SSBP4: variants seen among roughly 807,000 people sequenced by gnomAD.
The protein encoded by SSBP4 is single-stranded DNA-binding protein 4.
SSBP4 carries 33 observed loss-of-function variants against 64.6 expected under a neutral mutation model. That is an observed-to-expected ratio of 0.51 (90% CI 0.39 to 0.68). The LOEUF (loss-of-function observed/expected upper bound fraction) is 0.68, where lower values mean the gene tolerates loss of function less well. Ranked by LOEUF, SSBP4 falls within the 30% of genes least tolerant of loss-of-function variation. SSBP4 has a pLI of 0.00. For synonymous variants in SSBP4, 243 were observed against 224.0 expected (o/e 1.08, Z -0.76); for missense variants, 583 against 566.8 (o/e 1.03, Z -0.29).
chr19:18,410,559 G>C, the SSBP4 span, among the ~76,000 whole-genome samples: 1 of 152,072 alleles, frequency 6.6e-6, no homozygotes, highest in Admixed American at 6.6e-5. Flanking sequence ...GGCGTGACTG[G>C]GTGATGTTTT....
chr19:18,431,158 CACAGGGTGCTT>C (rs1973338545), intron 5 of SSBP4, among the ~76,000 whole-genome samples, 184 bp from the exon 6 acceptor site: 1 of 151,982 alleles, frequency 6.6e-6, no homozygotes, highest in South Asian at 2.1e-4. Context: ...CATGTGTGCG[CACAGGGTGCTT>C]GGGGATGCAG....
chr19:18,414,623 ATGTGTGG>A (rs1306288142), upstream of SSBP4, among the ~76,000 whole-genome samples: 2 of 152,188 alleles, frequency 1.3e-5, no homozygotes, highest in Non-Finnish European at 2.9e-5. Flanking sequence ...TGGGGCTTCG[ATGTGTGG>A]CCGGTGAAAG....
At position 18,433,830 on chromosome 19, in the gene SSBP4, G is replaced by A; in HGVS notation, c.1128+13G>A. ...CCCGAGCGAAAGCGTAAGCGACTGC[G>A]TCGACTCCCCCCCCGCGGCGGCGTC... On this transcript the variant is annotated intron_variant, in intron 17 of 17. Transcript: ENST00000270061. 1 of 1,407,890 alleles carries A rather than the reference G, an allele frequency of 7.1e-7. No homozygotes were observed. Among genetic ancestry groups the A allele is most frequent in the Non-Finnish European group, 9.2e-7 (1 of 1,084,670 alleles). The allele number at this position is 1,407,890 out of a possible 1,614,324, so 87.2% of individuals were successfully genotyped here.
At chr19:18,431,080 C>A (rs1472640348) in intron 5 of SSBP4, 150 bp downstream of exon 5, 2 of 969,310 alleles carry the variant, frequency 2.1e-6, no homozygotes, top group East Asian at 2.6e-5. Flanking sequence ...CCCAGGTGGG[C>A]CTTTCAGGGG....
At position 18,427,995 on chromosome 19, in the gene SSBP4, C is replaced by T; in HGVS notation, c.279+13C>T. 2 of 1,608,144 alleles carry T rather than the reference C, an allele frequency of 1.2e-6. No homozygotes were observed. The highest frequency in any genetic ancestry group is 1.7e-6 in the Non-Finnish European group (2 of 1,179,366). ...CTTCCAGGACTATGTGAGTCCTGGCCCCAGGGACTCAGGGGCTCCAGGGCG... is the reference window on the plus strand; with the variant it reads ...CTTCCAGGACTATGTGAGTCCTGGCTCCAGGGACTCAGGGGCTCCAGGGCG... On this transcript the variant is annotated intron_variant, in intron 4 of 17. Coordinates refer to ENST00000270061, the MANE Select transcript of SSBP4 (RefSeq NM_032627.5). The surrounding 1 kb of genome is among the most constrained non-coding windows in gnomAD (Gnocchi z 4.4).
At position 18,426,952 on chromosome 19, in the gene SSBP4, G is replaced by A. The variant is rs553832182; in HGVS notation, c.60-399G>A. ...CCCTTCCCTCCTTCCTTCCTGGGCC[G>A]GGGAGGCTGGGGATGAGTTTGGAGG... On this transcript the variant is annotated intron_variant, in intron 1 of 17. Coordinates refer to ENST00000270061, the MANE Select transcript of SSBP4 (RefSeq NM_032627.5). The surrounding 1 kb of genome is among the most constrained non-coding windows in gnomAD (Gnocchi z 4.5). Among the ~76,000 whole-genome samples, 645 of 152,210 alleles carry A rather than the reference G, an allele frequency of 4.2e-3. 4 individuals are homozygous for A. Among genetic ancestry groups the A allele is most frequent in the African/African-American group, 0.015 (608 of 41,528 alleles).
the SSBP4 span, among the ~76,000 whole-genome samples, chr19:18,413,747 T>G: frequency 6.6e-6 from 1 of 151,958 alleles, no homozygotes; most frequent in Non-Finnish European, 1.5e-5. Flanking sequence ...GGCACGGTGG[T>G]GGCTCACACC....
At chr19:18,428,984 G>A (rs2144752307) in intron 4 of SSBP4, among the ~76,000 whole-genome samples, 1 of 152,308 alleles carries the variant, frequency 6.6e-6, no homozygotes, top group South Asian at 2.1e-4. Flanking sequence ...CCCCCCGCCG[G>A]GCCAGGAGGG....
At chr19:18,414,923 C>T (rs937944997), upstream of SSBP4, among the ~76,000 whole-genome samples, 7 of 152,274 alleles carry the variant, frequency 4.6e-5, no homozygotes, top group East Asian at 1.9e-4. Flanking sequence ...TGTGAGTTTC[C>T]GCCTCCAGGC....
In SSBP4 at chr19:18,433,042, A is replaced by T; in HGVS notation, c.911A>T (p.Asn304Ile). Residue 304 changes from asparagine (N) to isoleucine (I), a missense_variant and splice_region_variant, in exon 14 of 18, where the codon AAT becomes ATT. Coordinates refer to ENST00000270061, the MANE Select transcript of SSBP4 (RefSeq NM_032627.5). ...ATCGGGCAGGGCGCCGGCAGGGCTA[A>T]TGTGAGTGGGGGCTTGCAGGGGTGC... ...NPIGQGAGRA[N>I]FPLGPGPEGP... 6.2e-7 allele frequency: 1 copy of T among 1,614,068 alleles called. No homozygotes were observed. Among genetic ancestry groups the T allele is most frequent in the Non-Finnish European group, 8.5e-7 (1 of 1,180,006 alleles).
upstream of SSBP4, among the ~76,000 whole-genome samples, chr19:18,417,774 T>C (rs1394250051): frequency 6.6e-6 from 1 of 151,910 alleles, no homozygotes; most frequent in African/African-American, 2.4e-5. The surrounding 1 kb of genome is among the most constrained non-coding windows in gnomAD (Gnocchi z 5.4). Context: ...CCGAGGCCCC[T>C]CGGGGAGGAG....
At chr19:18,428,048 A>AG (rs1972993726) in intron 4 of SSBP4, 66 bp downstream of exon 4, 3 of 460,112 alleles carry the variant, frequency 6.5e-6, no homozygotes, top group Admixed American at 6.8e-5. Flanking sequence ...GTGGCTGGGG[A>AG]GGTGGGGTGG....
chr19:18,431,063 AGGTGT>A, intron 5 of SSBP4, 133 bp downstream of exon 5: 1 of 1,065,336 alleles, frequency 9.4e-7, no homozygotes, highest in Admixed American at 2.3e-5. Flanking sequence ...TCTGTGCCGC[AGGTGT>A]GCCCAGGTGG....
chr19:18,431,021 G>A, intron 5 of SSBP4, 91 bp downstream of exon 5: 5 of 1,446,240 alleles, frequency 3.5e-6, no homozygotes, highest in Non-Finnish European at 4.7e-6. Context: ...GAGGTCATGA[G>A]GCCGGCAGGC....
chr19:18,415,427 G>A (rs1972124637), upstream of SSBP4, among the ~76,000 whole-genome samples: 1 of 152,254 alleles, frequency 6.6e-6, no homozygotes, highest in Non-Finnish European at 1.5e-5. Context: ...CCCCCCCACT[G>A]CTGTGTCCTC....
chr19:18,414,287 C>A (rs1052061966), upstream of SSBP4, among the ~76,000 whole-genome samples: 1 of 152,160 alleles, frequency 6.6e-6, no homozygotes, highest in Non-Finnish European at 1.5e-5. Context: ...CACATGACGT[C>A]CTTGGTTCCT....
chr19:18,411,988 A>G, the SSBP4 span, among the ~76,000 whole-genome samples: 1 of 150,816 alleles, frequency 6.6e-6, no homozygotes, highest in South Asian at 2.1e-4. Context: ...ACAAAGTCAG[A>G]CCCCCCACAC....
chr19:18,421,862 AAG>A (rs1332782867), intron 1 of SSBP4, among the ~76,000 whole-genome samples: 1 of 152,122 alleles, frequency 6.6e-6, no homozygotes, highest in Non-Finnish European at 1.5e-5. Context: ...AGTTGTCTGA[AAG>A]AGAGCTGGGG....
chr19:18,406,110 G>A, the SSBP4 span, among the ~76,000 whole-genome samples: 2 of 151,804 alleles, frequency 1.3e-5, no homozygotes, highest in African/African-American at 4.8e-5. Flanking sequence ...CCAAAGTGTC[G>A]GGATTACAGG....
Sources: allele counts gnomAD v4.1 joint callset (sites outside exome capture counted in the v4.1 genomes callset), GRCh38; gene constraint gnomAD v4.1.1; non-coding constraint Gnocchi (gnomAD v3.1); transcripts MANE v1.5; gene names NCBI Gene and HGNC (gene_info 2026-07-23, HGNC 2026-07-21).